The following SMYD3 variants were observed in gnomAD, a reference collection of about 807,000 sequenced individuals.
SMYD3 encodes histone-lysine N-methyltransferase SMYD3.
A neutral mutation model predicts 57.7 loss-of-function variants in SMYD3; 36 were observed. The ratio of observed to expected loss-of-function variants is 0.62; its 90% CI spans 0.48 to 0.82. The LOEUF is 0.82. Among genes scored for constraint, SMYD3 ranks in the 40% least tolerant of loss-of-function variants. The pLI, the probability that SMYD3 is intolerant of heterozygous loss-of-function variation, is 0.00. For missense variants in SMYD3, 515 were observed against 538.8 expected, an observed-to-expected ratio of 0.96 and a Z score of 0.44; for synonymous variants, 211 against 195.0, an observed-to-expected ratio of 1.08 and a Z score of -0.68.
chr1:246,013,702 G>A (rs1197202426), intron 5 of SMYD3, among the ~76,000 whole-genome samples: 1 of 152,196 alleles, frequency 6.6e-6, no homozygotes, highest in African/African-American at 2.4e-5. Flanking sequence ...AGTCTGGCAT[G>A]TGTAGCTGGA....
At chr1:246,292,164 C>T (rs372156114) in intron 5 of SMYD3, among the ~76,000 whole-genome samples, 1 of 127,084 alleles carries the variant, frequency 7.9e-6, no homozygotes. Flanking sequence ...TCCAACACAC[C>T]AGCATCTTAG....
At chr1:246,439,793 C>A (rs1196605391) in intron 1 of SMYD3, among the ~76,000 whole-genome samples, 1 of 152,020 alleles carries the variant, frequency 6.6e-6, no homozygotes, top group Non-Finnish European at 1.5e-5. Context: ...ACTAAAAAAA[C>A]AGAAAAATTA....
chr1:246,071,396 G>A (rs1379575590), intron 5 of SMYD3, among the ~76,000 whole-genome samples: 1 of 152,064 alleles, frequency 6.6e-6, no homozygotes, highest in Non-Finnish European at 1.5e-5. Flanking sequence ...GTTATAAAAT[G>A]TTTTAAATTA....
intron 5 of SMYD3, among the ~76,000 whole-genome samples, chr1:245,970,257 C>T (rs756405521): frequency 1.3e-4 from 20 of 152,108 alleles, no homozygotes; most frequent in Non-Finnish European, 2.5e-4. Context: ...TGGCTAGCCA[C>T]ATGTAGAAAG....
intron 2 of SMYD3, among the ~76,000 whole-genome samples, chr1:246,339,906 T>A (rs746806885): frequency 6.6e-6 from 1 of 152,184 alleles, no homozygotes; most frequent in Non-Finnish European, 1.5e-5. Flanking sequence ...ACAGATGTAA[T>A]CCCTCAACCT....
intron 5 of SMYD3, among the ~76,000 whole-genome samples, chr1:246,104,697 A>G (rs78013346): frequency 0.023 from 3,522 of 152,244 alleles, 145 homozygotes; most frequent in East Asian, 0.15. Context: ...GAGTAAAATA[A>G]GAAACTCCAG....
chr1:246,316,264 G>C (rs187812415), intron 5 of SMYD3, among the ~76,000 whole-genome samples: 1 of 151,912 alleles, frequency 6.6e-6, no homozygotes, highest in African/African-American at 2.4e-5. Flanking sequence ...GCACATGTCT[G>C]TAGTCTCAGC....
At chr1:245,940,978 C>G (rs2057219653) in intron 5 of SMYD3, among the ~76,000 whole-genome samples, 1 of 152,264 alleles carries the variant, frequency 6.6e-6, no homozygotes. Context: ...CATAAATGAC[C>G]TGATGGAGCT....
At chr1:246,361,985 G>A (rs1225992202) in intron 1 of SMYD3, among the ~76,000 whole-genome samples, 3 of 152,044 alleles carry the variant, frequency 2.0e-5, no homozygotes, top group East Asian at 1.9e-4. Context: ...AAATAATAAC[G>A]CATGGCCCTG....
chr1:245,848,715 A>G (rs1205381651), intron 10 of SMYD3, among the ~76,000 whole-genome samples: 1 of 152,134 alleles, frequency 6.6e-6, no homozygotes, highest in Admixed American at 6.6e-5. Context: ...CTAGGCCCAC[A>G]AAAGGTATTT....
At chr1:245,900,101 C>T (rs1222358110) in intron 8 of SMYD3, among the ~76,000 whole-genome samples, 1 of 152,122 alleles carries the variant, frequency 6.6e-6, no homozygotes, top group Non-Finnish European at 1.5e-5. Context: ...TGTTGGTTCT[C>T]CTTCTCTGAA....
chr1:246,271,157 G>C (rs2064213518), intron 5 of SMYD3, among the ~76,000 whole-genome samples: 1 of 151,980 alleles, frequency 6.6e-6, no homozygotes, highest in East Asian at 1.9e-4. Context: ...AAATCATGTT[G>C]CTTTTCTATT....
At chr1:246,482,457 T>A (rs1219759221) in intron 1 of SMYD3, among the ~76,000 whole-genome samples, 1 of 152,178 alleles carries the variant, frequency 6.6e-6, no homozygotes, top group Non-Finnish European at 1.5e-5. Flanking sequence ...CCCAGATTTT[T>A]TTTTTCCACA....
intron 1 of SMYD3, among the ~76,000 whole-genome samples, chr1:246,471,444 T>A (rs2067961231): frequency 6.6e-6 from 1 of 152,154 alleles, no homozygotes; most frequent in Non-Finnish European, 1.5e-5. Flanking sequence ...TGATTCCCCA[T>A]CCTTGGCCTC....
intron 10 of SMYD3, among the ~76,000 whole-genome samples, chr1:245,799,521 T>C (rs2047751769): frequency 6.8e-6 from 1 of 147,082 alleles, no homozygotes; most frequent in South Asian, 2.2e-4. Context: ...TGAGATATCA[T>C]GACAAGAAGT....
chr1:246,314,455 A>C (rs762314853), intron 5 of SMYD3, among the ~76,000 whole-genome samples: 1 of 151,960 alleles, frequency 6.6e-6, no homozygotes, highest in African/African-American at 2.4e-5. Flanking sequence ...CACGATACCC[A>C]TAACTCAGAG....
At chr1:245,767,595 G>A (rs74156628) in intron 10 of SMYD3, among the ~76,000 whole-genome samples, 1,664 of 152,290 alleles carry the variant, frequency 0.011, 27 homozygotes, top group African/African-American at 0.038. Context: ...TGGAGATGAT[G>A]ATGGGATCCT....
intron 5 of SMYD3, among the ~76,000 whole-genome samples, chr1:246,018,430 C>A (rs988024023): frequency 1.3e-5 from 2 of 152,214 alleles, no homozygotes; most frequent in Admixed American, 1.3e-4. Context: ...AGGCACTCAA[C>A]TTGCTCTGCC....
intron 1 of SMYD3, among the ~76,000 whole-genome samples, chr1:246,498,966 T>C (rs1345083080): frequency 6.7e-6 from 1 of 149,182 alleles, no homozygotes; most frequent in Non-Finnish European, 1.5e-5. Context: ...AATTTTTTGT[T>C]TTTTTTTTTA....
Sources: gnomAD v4.1 joint callset for allele counts (sites outside exome capture counted in the v4.1 genomes callset) on GRCh38, gnomAD v4.1.1 for gene constraint, MANE v1.5 for transcripts, NCBI Gene and HGNC (gene_info 2026-07-23, HGNC 2026-07-21) for gene names.